The following LRRC59 variants were observed in gnomAD, a reference collection of about 807,000 sequenced individuals.
LRRC59 encodes leucine rich repeat containing 59.
A neutral mutation model predicts 33.5 loss-of-function variants in LRRC59; 18 were observed. The ratio of observed to expected loss-of-function variants is 0.54; its 90% CI spans 0.37 to 0.80. The LOEUF (loss-of-function observed/expected upper bound fraction) is 0.80, where lower values mean the gene tolerates loss of function less well. LRRC59 is among the 30% of genes least tolerant of loss of function. The pLI is 0.00. For synonymous variants in LRRC59, 138 were observed against 160.0 expected (o/e 0.86, Z 1.04); for missense variants, 330 against 391.9 (o/e 0.84, Z 1.33).
Position 50,394,928 on chromosome 17 carries a change from C to T in LRRC59, c.165+1G>A, listed in dbSNP as rs1914235784. The T allele has an allele frequency of 6.3e-7, 1 of 1,593,930 alleles. No individual in the cohort carries two copies. Among genetic ancestry groups the T allele is most frequent in the Non-Finnish European group, 8.6e-7 (1 of 1,165,972 alleles). The stretch of plus-strand genomic sequence containing the variant: ...GAGTCACGGCTGCATGCCAATCTTA[C>T]CGGTAGAGTAGTCAGTTTATTACAA... On this transcript the variant is annotated splice_donor_variant, in intron 2 of 6. Transcript: ENST00000225972. LOFTEE classifies it high-confidence loss of function.
At chr17:50,395,357 A>C (rs1449325652) in intron 1 of LRRC59, among the ~76,000 whole-genome samples, 1 of 23,084 alleles carries the variant, frequency 4.3e-5, no homozygotes, top group Non-Finnish European at 1.4e-4. Flanking sequence ...ACCCCATCTC[A>C]AAAAAAAAAA....
In LRRC59 at chr17:50,397,345, T is replaced by C; in HGVS notation, c.-28A>G. ...TAACGCCGGCTGAGCGGGCCCCGGC[T>C]CCGGGGTTCCGGCGGGTGAAAGGAG... On this transcript the variant is annotated 5_prime_UTR_variant, in exon 1 of 7. Coordinates refer to ENST00000225972, the MANE Select transcript of LRRC59 (RefSeq NM_018509.4). 1 of 1,570,100 alleles carries C rather than the reference T, an allele frequency of 6.4e-7. No homozygotes were observed. The highest frequency in any genetic ancestry group is 1.1e-5 in the South Asian group (1 of 88,118).
chr17:50,388,452 G>A, intron 4 of LRRC59, among the ~76,000 whole-genome samples: 1 of 152,104 alleles, frequency 6.6e-6, no homozygotes. Context: ...AAGGAGAGAG[G>A]ATTACTTGAA....
Position 50,397,180 on chromosome 17 carries a change from G to T in LRRC59, c.105+33C>A. The stretch of plus-strand genomic sequence containing the variant: ...ACGTAGGGGCCAGCGCCCGGCGAAG[G>T]TGGGCGCCTGGGCCTCGCGGGACGA... On this transcript the variant is annotated intron_variant, in intron 1 of 6. Coordinates refer to ENST00000225972, the MANE Select transcript of LRRC59 (RefSeq NM_018509.4). 2.7e-6 allele frequency: 4 copies of T among 1,494,448 alleles called. No homozygotes were observed. The South Asian group carries it at 3.7e-5, about 14-fold the overall frequency. The allele number at this position is 1,494,448 out of a possible 1,614,324, so 92.6% of individuals were successfully genotyped here.
chr17:50,394,120 C>T (rs1259758029), intron 2 of LRRC59, among the ~76,000 whole-genome samples: 1 of 152,162 alleles, frequency 6.6e-6, no homozygotes, highest in Admixed American at 6.5e-5. Flanking sequence ...TAGGAGAATA[C>T]TGAGAGGTGA....
chr17:50,391,735 G>A (rs1044417636), intron 4 of LRRC59, among the ~76,000 whole-genome samples: 5 of 152,234 alleles, frequency 3.3e-5, no homozygotes, highest in Middle Eastern at 3.4e-3. Context: ...CTTTATCATC[G>A]CTTTTATTAT....
rs367897670 is a variant in LRRC59 at position 50,391,137 on chromosome 17, A to G, written c.429+1261T>C. ...TGCATGGAAAGCATCCAGGACAAGGAAAGAGTAATCAATGGTAGCTACTGT... is the reference window on the plus strand; with the variant it reads ...TGCATGGAAAGCATCCAGGACAAGGGAAGAGTAATCAATGGTAGCTACTGT... On this transcript the variant is annotated intron_variant, in intron 4 of 6. Coordinates refer to ENST00000225972, the MANE Select transcript of LRRC59 (RefSeq NM_018509.4). Among the ~76,000 whole-genome samples, 18 of 152,284 alleles carry G rather than the reference A, an allele frequency of 1.2e-4. No individual in the cohort carries two copies. The East Asian group carries it at 2.5e-3, about 21-fold the overall frequency.
intron 5 of LRRC59, 127 bp from the exon 6 acceptor site, chr17:50,385,418 T>A: frequency 9.4e-7 from 1 of 1,058,528 alleles, no homozygotes; most frequent in Non-Finnish European, 1.4e-6. Flanking sequence ...TAAGAAATAT[T>A]CAAAGGAAAC....
chr17:50,394,838 T>C (rs1914233194), intron 2 of LRRC59, 91 bp downstream of exon 2: 4 of 976,632 alleles, frequency 4.1e-6, no homozygotes, highest in Admixed American at 3.9e-5. Flanking sequence ...TTACACCTTA[T>C]GACACCCTCC....
intron 4 of LRRC59, among the ~76,000 whole-genome samples, chr17:50,390,097 CAAAAA>C (rs57027679): frequency 2.3e-5 from 2 of 85,286 alleles, no homozygotes; most frequent in Non-Finnish European, 4.7e-5. Flanking sequence ...GACTCTGTCT[CAAAAA>C]AAAAAAAAAA....
rs1027559447 is a variant in LRRC59 at position 50,394,974 on chromosome 17, C to T, written c.120G>A (p.Lys40=). Residue 40 remains lysine (K), a synonymous_variant, in exon 2 of 7, where the codon AAG becomes AAA. Transcript: ENST00000225972. ...TACAAGACAGATCCAGGATGGTGGC[C>T]TTTGGAAGGGCAGCCTAGGTAAAAG... The part of the protein sequence containing the change: ...VPVKELAALP[K]ATILDLSCNK... 6.2e-7 allele frequency: 1 copy of T among 1,607,424 alleles called. No homozygotes were observed.
rs541255004 is a variant in LRRC59 at position 50,397,403 on chromosome 17, C to G, written c.-86G>C. On this transcript the variant is annotated 5_prime_UTR_variant, in exon 1 of 7. Transcript: ENST00000225972. ...GTCGCTTGTCAGTTCAGCGGCCCCC[C>G]ACCCAAACGACGACGCCTGAGCCCT... 5 of 1,047,584 alleles carry G rather than the reference C, an allele frequency of 4.8e-6. No individual in the cohort carries two copies. Among genetic ancestry groups the G allele is most frequent in the Non-Finnish European group, 6.7e-6 (5 of 743,304 alleles). 64.9% of individuals were successfully genotyped at this position (1,047,584 alleles called of 1,614,324 possible).
At chr17:50,384,765 C>CAAAAA (rs5820811) in intron 6 of LRRC59, among the ~76,000 whole-genome samples, 2 of 132,146 alleles carry the variant, frequency 1.5e-5, no homozygotes, top group African/African-American at 2.8e-5. Context: ...AACTCTGTCT[C>CAAAAA]AAAAAAAAAA....
chr17:50,385,147 T>A lies in LRRC59; in HGVS notation c.647A>T (p.Lys216Ile), dbSNP rs759896688. 1 of 1,613,998 alleles carries A rather than the reference T, an allele frequency of 6.2e-7. No individual in the cohort carries two copies. Among genetic ancestry groups the A allele is most frequent in the African/African-American group, 1.3e-5 (1 of 74,924 alleles). Reference sequence around the variant, plus strand: ...GGCCTGATTTGCTTCCTTCTTAGGTTTCTTCTCCTGCTCCCGCTTGGCTGC... The same window carrying A: ...GGCCTGATTTGCTTCCTTCTTAGGTATCTTCTCCTGCTCCCGCTTGGCTGC... ...LKAAKREQEK[K>I]PKKEANQAPK... is the part of the protein sequence containing the mutation. The change falls in exon 6 of 7, where the codon AAA (lysine) becomes ATA (isoleucine). Residue 216 changes from lysine to isoleucine, a missense_variant. Coordinates refer to ENST00000225972, the MANE Select transcript of LRRC59 (RefSeq NM_018509.4).
intron 1 of LRRC59, among the ~76,000 whole-genome samples, chr17:50,395,625 C>T (rs1380148339): frequency 1.3e-5 from 2 of 152,036 alleles, no homozygotes; most frequent in Non-Finnish European, 2.9e-5. Flanking sequence ...AGTGAAAAAA[C>T]AAGGCCCTGC....
chr17:50,387,374 G>A (rs1914035322), intron 5 of LRRC59, among the ~76,000 whole-genome samples: 1 of 152,268 alleles, frequency 6.6e-6, no homozygotes, highest in Non-Finnish European at 1.5e-5. Flanking sequence ...AAGGCCGGTG[G>A]AGAGCAGGCA....
intron 2 of LRRC59, among the ~76,000 whole-genome samples, chr17:50,393,114 A>G (rs1297280144): frequency 6.6e-6 from 1 of 152,184 alleles, no homozygotes; most frequent in Admixed American, 6.5e-5. Context: ...TCCTCATCTA[A>G]GCCTTGGGCT....
At chr17:50,385,398 A>G (rs942798854) in intron 5 of LRRC59, 107 bp from the exon 6 acceptor site, 1 of 1,177,612 alleles carries the variant, frequency 8.5e-7, no homozygotes, top group Admixed American at 2.2e-5. Flanking sequence ...CCCTGGTGCC[A>G]TGGTTCACAT....
At position 50,383,083 on chromosome 17, in the gene LRRC59, AGAGGG is replaced by A; in HGVS notation, c.824_828del (p.Pro275LeufsTer9). The stretch of plus-strand genomic sequence containing the variant: ...TCATAGATGGTGTTCACGCTGGTGC[AGAGGG>A]GCTGCTGCTGCAGCTCTGTCACCCG... On this transcript the variant is annotated frameshift_variant, in exon 7 of 7. Transcript: ENST00000225972. LOFTEE classifies it high-confidence loss of function. The A allele has an allele frequency of 6.2e-7, 1 of 1,610,018 alleles. No homozygotes were observed. Among genetic ancestry groups the A allele is most frequent in the Non-Finnish European group, 8.5e-7 (1 of 1,179,210 alleles).
Sources: allele counts gnomAD v4.1 joint callset (sites outside exome capture counted in the v4.1 genomes callset), GRCh38; gene constraint gnomAD v4.1.1; transcripts MANE v1.5; gene names NCBI Gene and HGNC (gene_info 2026-07-23, HGNC 2026-07-21).